GNAQ: variants seen among roughly 807,000 people sequenced by gnomAD.
The protein encoded by GNAQ is G protein subunit alpha q, also known as guanine nucleotide-binding protein G(q) subunit alpha.
Under a neutral mutation model 43.9 loss-of-function variants are expected in GNAQ, and 8 were observed. The observed-to-expected ratio is 0.18, with a 90% CI of 0.11 to 0.33. The LOEUF is 0.33. Ranked by LOEUF, GNAQ falls within the 10% of genes least tolerant of loss-of-function variation. The pLI, the probability that GNAQ is intolerant of heterozygous loss-of-function variation, is 1.00. For synonymous variants in GNAQ, 155 were observed against 170.7 expected (o/e 0.91, Z 0.71); for missense variants, 158 against 450.8 (o/e 0.35, Z 5.88).
intron 1 of GNAQ, among the ~76,000 whole-genome samples, chr9:78,008,738 C>T (rs886814842): frequency 6.6e-6 from 1 of 152,180 alleles, no homozygotes; most frequent in African/African-American, 2.4e-5. Context: ...CCCACCTCAG[C>T]CTTTCAAGTA....
chr9:78,023,949 TAC>T (rs879396457), intron 1 of GNAQ, among the ~76,000 whole-genome samples: 5 of 151,750 alleles, frequency 3.3e-5, no homozygotes, highest in Middle Eastern at 3.2e-3. Context: ...TGTGTGTATA[TAC>T]ACACACACAC....
chr9:77,833,044 G>A (rs998091553), intron 2 of GNAQ, among the ~76,000 whole-genome samples: 10 of 152,084 alleles, frequency 6.6e-5, no homozygotes, highest in Non-Finnish European at 1.0e-4. Flanking sequence ...TCGGCTCACT[G>A]CAACCTCTGC....
chr9:77,775,498 C>T (rs955738525), intron 5 of GNAQ, among the ~76,000 whole-genome samples: 5 of 151,624 alleles, frequency 3.3e-5, no homozygotes, highest in African/African-American at 1.2e-4. Context: ...CAAGCTCTGC[C>T]TCCCGGGTTC....
chr9:77,803,235 AT>A (rs1301729669), intron 3 of GNAQ, among the ~76,000 whole-genome samples: 1 of 152,230 alleles, frequency 6.6e-6, no homozygotes, highest in Non-Finnish European at 1.5e-5. Flanking sequence ...CAAGTTCTGA[AT>A]AAAAATGTCT....
Position 77,887,654 on chromosome 9 carries a change from T to C in GNAQ, c.321+34507A>G, listed in dbSNP as rs182969998. ...GCTTGTGATTCAGAGAATATTAATC[T>C]TCTAATCCCCCCAGTTAAAGCAGAA... On this transcript the variant is annotated intron_variant, in intron 2 of 6. Transcript: ENST00000286548. Among the ~76,000 whole-genome samples the C allele has an allele frequency of 3.0e-4, 45 of 152,354 alleles. No individual in the cohort carries two copies. In the East Asian group the frequency reaches 7.7e-3, roughly 26 times the overall value.
intron 2 of GNAQ, among the ~76,000 whole-genome samples, chr9:77,843,330 C>T (rs1018844159): frequency 6.6e-6 from 1 of 152,176 alleles, no homozygotes; most frequent in Admixed American, 6.5e-5. Context: ...AAGGAGGCTG[C>T]AGAGGCAGGG....
chr9:77,833,893 T>C (rs1428958336), intron 2 of GNAQ, among the ~76,000 whole-genome samples: 1 of 152,202 alleles, frequency 6.6e-6, no homozygotes, highest in Non-Finnish European at 1.5e-5. Context: ...GAAAAAATAT[T>C]TTCTTCCAAC....
chr9:77,793,603 C>T (rs1826610542), intron 5 of GNAQ, among the ~76,000 whole-genome samples: 1 of 152,018 alleles, frequency 6.6e-6, no homozygotes. Flanking sequence ...TTCTTTTTTG[C>T]TACCCTATTA....
intron 5 of GNAQ, among the ~76,000 whole-genome samples, chr9:77,769,530 G>C (rs1271968230): frequency 6.6e-6 from 1 of 152,148 alleles, no homozygotes; most frequent in African/African-American, 2.4e-5. Flanking sequence ...ACACAGGCAG[G>C]AAGAAGGTGA....
At chr9:78,029,561 T>G (rs1824024228) in intron 1 of GNAQ, among the ~76,000 whole-genome samples, 1 of 152,212 alleles carries the variant, frequency 6.6e-6, no homozygotes, top group Non-Finnish European at 1.5e-5. Flanking sequence ...TGCTTTTGCC[T>G]TCTGCTTTTT....
intron 2 of GNAQ, among the ~76,000 whole-genome samples, chr9:77,908,348 C>G (rs1471622286): frequency 6.6e-6 from 1 of 152,118 alleles, no homozygotes; most frequent in Admixed American, 6.6e-5. Flanking sequence ...GCCACTGCTC[C>G]CAAGAAACCA....
intron 2 of GNAQ, among the ~76,000 whole-genome samples, chr9:77,869,330 G>T (rs1203290571): frequency 6.6e-6 from 1 of 152,074 alleles, no homozygotes; most frequent in African/African-American, 2.4e-5. Flanking sequence ...GAAAAAACTA[G>T]CCCCAACCTC....
At chr9:77,963,239 A>G (rs543049252) in intron 1 of GNAQ, among the ~76,000 whole-genome samples, 2 of 152,356 alleles carry the variant, frequency 1.3e-5, no homozygotes, top group Non-Finnish European at 2.9e-5. Flanking sequence ...GATAAGGCCC[A>G]CAACAGCAGA....
At chr9:78,007,451 A>G (rs1470266678) in intron 1 of GNAQ, among the ~76,000 whole-genome samples, 1 of 152,218 alleles carries the variant, frequency 6.6e-6, no homozygotes, top group Admixed American at 6.5e-5. Context: ...AAAAAAAAAA[A>G]ATCGAACAGC....
intron 1 of GNAQ, among the ~76,000 whole-genome samples, chr9:77,929,961 C>G (rs1052163332): frequency 6.6e-5 from 10 of 152,146 alleles, no homozygotes; most frequent in Non-Finnish European, 1.2e-4. Context: ...TGAAAAACAA[C>G]ATAAAGATGT....
chr9:77,966,969 C>G (rs1033116081), intron 1 of GNAQ, among the ~76,000 whole-genome samples: 1 of 152,142 alleles, frequency 6.6e-6, no homozygotes, highest in African/African-American at 2.4e-5. Flanking sequence ...TCGGGCAGTC[C>G]GTCAGCGGCC....
intron 2 of GNAQ, among the ~76,000 whole-genome samples, chr9:77,859,070 T>C (rs1827803528): frequency 6.6e-6 from 1 of 152,206 alleles, no homozygotes; most frequent in Middle Eastern, 3.2e-3. Context: ...TGCCTGTTCC[T>C]ACCTAAAATG....
chr9:77,836,197 A>G (rs1183511769), intron 2 of GNAQ, among the ~76,000 whole-genome samples: 1 of 148,798 alleles, frequency 6.7e-6, no homozygotes, highest in East Asian at 2.0e-4. Flanking sequence ...TTTTCCTCAA[A>G]ATACCCTTAT....
chr9:77,810,053 TTATAAA>T (rs1274130322), intron 3 of GNAQ, among the ~76,000 whole-genome samples: 1 of 152,216 alleles, frequency 6.6e-6, no homozygotes, highest in African/African-American at 2.4e-5. Context: ...CTTCTTGACT[TTATAAA>T]TATGAAACTG....
Sources: gnomAD v4.1 joint callset for allele counts (sites outside exome capture counted in the v4.1 genomes callset) on GRCh38, gnomAD v4.1.1 for gene constraint, MANE v1.5 for transcripts, NCBI Gene and HGNC (gene_info 2026-07-23, HGNC 2026-07-21) for gene names.